UBTD2: variants seen among roughly 807,000 people sequenced by gnomAD.
UBTD2 encodes ubiquitin domain-containing protein 2.
Under a neutral mutation model 19.8 loss-of-function variants are expected in UBTD2, and 9 were observed. The observed-to-expected ratio is 0.46, with a 90% confidence interval of 0.27 to 0.79. The LOEUF is 0.79. Among genes scored for constraint, UBTD2 ranks in the 30% least tolerant of loss-of-function variants. UBTD2 has a pLI of 0.14. For synonymous variants in UBTD2, 98 were observed against 103.9 expected (o/e 0.94, Z 0.35); for missense variants, 250 against 300.4 (o/e 0.83, Z 1.24).
intron 1 of UBTD2, among the ~76,000 whole-genome samples, chr5:172,241,682 C>G (rs1004474918): frequency 6.6e-6 from 1 of 151,990 alleles, no homozygotes; most frequent in Non-Finnish European, 1.5e-5. Flanking sequence ...TTTTCTGACA[C>G]TTTTTCTCAC....
rs1297990155 is a variant in UBTD2 at position 172,209,793 on chromosome 5, C to T, written c.*2037G>A. ...TCCCACCTAGGTTAGTTAAACATGC[C>T]CAGAGAATTGTTATTCAAAGCATAT... On this transcript the variant is annotated 3_prime_UTR_variant, in exon 3 of 3. Transcript: ENST00000393792. 6.6e-6 allele frequency: 1 copy of T among 151,978 alleles called. No individual in the cohort carries two copies. Among genetic ancestry groups the T allele is most frequent in the African/African-American group, 2.4e-5 (1 of 41,242 alleles). 9.4% of individuals were successfully genotyped at this position (151,978 alleles called of 1,614,324 possible).
chr5:172,219,132 T>A (rs890760128), intron 2 of UBTD2, among the ~76,000 whole-genome samples: 3 of 152,210 alleles, frequency 2.0e-5, no homozygotes, highest in African/African-American at 7.2e-5. Flanking sequence ...AGAAATTGAA[T>A]CAATAATTAA....
intron 2 of UBTD2, among the ~76,000 whole-genome samples, chr5:172,219,925 C>T (rs920889485): frequency 6.6e-6 from 1 of 152,192 alleles, no homozygotes; most frequent in Non-Finnish European, 1.5e-5. Flanking sequence ...ACTGGGGGTT[C>T]TGGAACATTC....
intron 1 of UBTD2, among the ~76,000 whole-genome samples, chr5:172,239,855 G>A (rs1434229988): frequency 6.6e-6 from 1 of 151,890 alleles, no homozygotes; most frequent in African/African-American, 2.4e-5. Context: ...AGTGAGCCGA[G>A]ATCACACCAT....
intron 2 of UBTD2, among the ~76,000 whole-genome samples, chr5:172,232,533 T>A (rs991406128): frequency 6.6e-6 from 1 of 152,024 alleles, no homozygotes; most frequent in Non-Finnish European, 1.5e-5. Context: ...AGAAAACTAA[T>A]GGTGATTTGG....
chr5:172,212,561 A>T (rs902484927), intron 2 of UBTD2, among the ~76,000 whole-genome samples: 2 of 152,272 alleles, frequency 1.3e-5, no homozygotes, highest in African/African-American at 2.4e-5. Context: ...ACATTAGGAT[A>T]TCTTTTACAG....
intron 1 of UBTD2, among the ~76,000 whole-genome samples, chr5:172,261,626 TAC>T (rs1344415462): frequency 6.6e-6 from 1 of 152,002 alleles, no homozygotes; most frequent in Non-Finnish European, 1.5e-5. Context: ...ACCACTCACA[TAC>T]ACTTTTTTTT....
At chr5:172,261,216 A>G (rs1200447726) in intron 1 of UBTD2, among the ~76,000 whole-genome samples, 1 of 152,220 alleles carries the variant, frequency 6.6e-6, no homozygotes, top group Non-Finnish European at 1.5e-5. Context: ...AAATGACCAC[A>G]TGCTGATATT....
chr5:172,254,852 T>C (rs1755106623), intron 1 of UBTD2: 2 of 537,870 alleles, frequency 3.7e-6, no homozygotes, highest in Non-Finnish European at 6.9e-6. Flanking sequence ...TTCTTATGAT[T>C]CAATTACAGG....
At chr5:172,244,593 C>G (rs753659257) in intron 1 of UBTD2, among the ~76,000 whole-genome samples, 10 of 152,062 alleles carry the variant, frequency 6.6e-5, no homozygotes, top group Non-Finnish European at 1.2e-4. Context: ...CCACTGCGCC[C>G]GGCCCCTCCC....
At chr5:172,255,429 T>C in intron 1 of UBTD2, 1 of 496,184 alleles carries the variant, frequency 2.0e-6, no homozygotes, top group Non-Finnish European at 4.1e-6. Flanking sequence ...GGGTCAAACA[T>C]GAGCATTCTT....
At chr5:172,254,612 G>A (rs556416747) in intron 1 of UBTD2, 35 of 648,262 alleles carry the variant, frequency 5.4e-5, no homozygotes, top group African/African-American at 5.0e-4. Context: ...ACACTTTGTT[G>A]CATCCATCGT....
chr5:172,256,498 C>G (rs970141558), intron 1 of UBTD2, among the ~76,000 whole-genome samples: 4 of 149,498 alleles, frequency 2.7e-5, no homozygotes, highest in Non-Finnish European at 5.9e-5. Flanking sequence ...TCCCAAGTAG[C>G]TGGGACTACA....
At chr5:172,269,945 C>T (rs1055375787) in intron 1 of UBTD2, among the ~76,000 whole-genome samples, 5 of 151,356 alleles carry the variant, frequency 3.3e-5, no homozygotes, top group African/African-American at 9.7e-5. Context: ...GGCATGGTTG[C>T]GCATGCCTGT....
chr5:172,282,842 C>G (rs1390482378), intron 1 of UBTD2, among the ~76,000 whole-genome samples: 1 of 152,184 alleles, frequency 6.6e-6, no homozygotes, highest in African/African-American at 2.4e-5. Context: ...TTTTAAAGTA[C>G]TGATCTTACT....
intron 1 of UBTD2, among the ~76,000 whole-genome samples, chr5:172,274,163 C>T (rs926677993): frequency 2.1e-4 from 27 of 130,988 alleles, no homozygotes; most frequent in African/African-American, 5.6e-4. Flanking sequence ...TTTTTTGAGA[C>T]GGAGCCTCGC....
At chr5:172,257,172 ACT>A (rs1295561870) in intron 1 of UBTD2, among the ~76,000 whole-genome samples, 1 of 152,136 alleles carries the variant, frequency 6.6e-6, no homozygotes, top group African/African-American at 2.4e-5. Context: ...CCCAGTGACT[ACT>A]GTTTCCTTGC....
Position 172,234,348 on chromosome 5 carries a change from A to C in UBTD2, c.81T>G (p.Gly27=). The stretch of plus-strand genomic sequence containing the variant: ...TCTCCTTTTTCAAAGGCTGGTTACG[A>C]CCTAGAGCAACTGAAAAGAAAAATA... ...ENSEGTGVAL[G]RNQPLKKEKP... Residue 27 remains glycine, a synonymous_variant, in exon 2 of 3, where the codon GGT becomes GGG. Coordinates refer to ENST00000393792, the MANE Select transcript of UBTD2 (RefSeq NM_152277.3). 6.2e-7 allele frequency: 1 copy of C among 1,613,848 alleles called. No individual in the cohort carries two copies. Among genetic ancestry groups the C allele is most frequent in the Non-Finnish European group, 8.5e-7 (1 of 1,179,916 alleles).
chr5:172,264,801 A>C (rs749548286), intron 1 of UBTD2, among the ~76,000 whole-genome samples: 22 of 152,078 alleles, frequency 1.4e-4, no homozygotes, highest in Non-Finnish European at 2.6e-4. Flanking sequence ...GCTTGAGCCC[A>C]GGAGGTCAAG....
Sources: gnomAD v4.1 joint callset for allele counts (sites outside exome capture counted in the v4.1 genomes callset) on GRCh38, gnomAD v4.1.1 for gene constraint, MANE v1.5 for transcripts, NCBI Gene and HGNC (gene_info 2026-07-23, HGNC 2026-07-21) for gene names.